The following CADPS variants were observed in gnomAD, a reference collection of about 807,000 sequenced individuals.
CADPS encodes calcium-dependent secretion activator 1.
Under a neutral mutation model 167.3 loss-of-function variants are expected in CADPS, and 57 were observed. The observed-to-expected ratio is 0.34, with a 90% CI of 0.28 to 0.42. The LOEUF is 0.42. Ranked by LOEUF, CADPS falls within the 20% of genes least tolerant of loss-of-function variation. The probability of loss-of-function intolerance (pLI) is 1.00; values close to 1 mark genes in which losing one functional copy is unlikely to be tolerated. For synonymous variants in CADPS, 676 were observed against 635.3 expected (o/e 1.06, Z -0.96); for missense variants, 1,414 against 1,738.1 (o/e 0.81, Z 3.32).
intron 7 of CADPS, among the ~76,000 whole-genome samples, chr3:62,589,065 G>C (rs1450798992): frequency 1.1e-5 from 1 of 93,456 alleles, no homozygotes; most frequent in Admixed American, 1.3e-4. Flanking sequence ...TTCACAATGT[G>C]CATGAATTTT....
chr3:62,809,100 C>G (rs2094264913), intron 1 of CADPS, among the ~76,000 whole-genome samples: 2 of 152,190 alleles, frequency 1.3e-5, no homozygotes, highest in South Asian at 4.1e-4. Flanking sequence ...TGTACATCTG[C>G]ACTGCTGCCA....
Position 62,537,888 on chromosome 3 carries a change from C to T in CADPS, c.1967-1307G>A, listed in dbSNP as rs114186307. Among the ~76,000 whole-genome samples, 1,079 of 152,042 alleles carry T rather than the reference C, an allele frequency of 7.1e-3. 17 individuals are homozygous for T. The highest frequency in any genetic ancestry group is 0.024 in the African/African-American group (1,014 of 41,438). ...CATGGTATGGTCAGATTTATACCTCCTTATTGTTTGACTTTTTTAAAAAAA... is the reference window on the plus strand; with the variant it reads ...CATGGTATGGTCAGATTTATACCTCTTTATTGTTTGACTTTTTTAAAAAAA... On this transcript the variant is annotated intron_variant, in intron 11 of 29. Transcript: ENST00000383710.
rs143124675 is a variant in CADPS, at chr3:62,433,079, A to G, written c.3777+5025T>C. Among the ~76,000 whole-genome samples the G allele has an allele frequency of 6.6e-6, 1 of 152,210 alleles. No individual in the cohort carries two copies. The highest frequency in any genetic ancestry group is 2.4e-5 in the African/African-American group (1 of 41,532). On this transcript the variant is annotated intron_variant, in intron 28 of 29. Transcript: ENST00000383710. This position sits in a 1 kb window ranked among gnomAD's most constrained non-coding sequence, Gnocchi z 4.7. ...TAGCGTCATGTCCTCCTTGTAGCCTATTATTTGGTACTTTCATCCTCCAGC... is the reference window on the plus strand; with the variant it reads ...TAGCGTCATGTCCTCCTTGTAGCCTGTTATTTGGTACTTTCATCCTCCAGC...
intron 3 of CADPS, among the ~76,000 whole-genome samples, chr3:62,729,105 A>G (rs527425467): frequency 3.9e-5 from 6 of 152,094 alleles, no homozygotes; most frequent in African/African-American, 1.5e-4. Flanking sequence ...ATCTGGATCT[A>G]CTTCAAGTGG....
chr3:62,677,577 C>T (rs1212154786), intron 3 of CADPS, among the ~76,000 whole-genome samples: 1 of 152,008 alleles, frequency 6.6e-6, no homozygotes. Flanking sequence ...ACAAGACAGC[C>T]CCTGCAACAA....
At chr3:62,504,266 C>T (rs1395578791) in intron 17 of CADPS, among the ~76,000 whole-genome samples, 1 of 152,164 alleles carries the variant, frequency 6.6e-6, no homozygotes, top group Admixed American at 6.5e-5. Flanking sequence ...AAGGAGGCAA[C>T]TACTAATCCT....
intron 3 of CADPS, among the ~76,000 whole-genome samples, chr3:62,709,065 A>G (rs2082877273): frequency 6.6e-6 from 1 of 152,078 alleles, no homozygotes; most frequent in Admixed American, 6.5e-5. Flanking sequence ...TTCTAACAAC[A>G]GCTTCTAGAT....
rs1055424933 is a variant in CADPS, at chr3:62,602,371, T to A, written c.1326-9623A>T. On this transcript the variant is annotated intron_variant, in intron 6 of 29. Transcript: ENST00000383710. This position sits in a 1 kb window ranked among gnomAD's most constrained non-coding sequence, Gnocchi z 4.4. Reference sequence around the variant, plus strand: ...GCATTTATTCAAGGTATACGGCTCATGTGAACTGGGTGTTAAATTGGTGCG... The same window carrying A: ...GCATTTATTCAAGGTATACGGCTCAAGTGAACTGGGTGTTAAATTGGTGCG... Among the ~76,000 whole-genome samples the A allele has an allele frequency of 6.6e-6, 1 of 152,136 alleles. No homozygotes were observed. The highest frequency in any genetic ancestry group is 6.5e-5 in the Admixed American group (1 of 15,278).
At chr3:62,759,435 G>C (rs1454255147) in intron 2 of CADPS, among the ~76,000 whole-genome samples, 1 of 152,122 alleles carries the variant, frequency 6.6e-6, no homozygotes, top group African/African-American at 2.4e-5. Flanking sequence ...ATGATATATG[G>C]TTATAATGGA....
chr3:62,529,695 C>A (rs1025224421), intron 13 of CADPS, among the ~76,000 whole-genome samples: 2 of 152,158 alleles, frequency 1.3e-5, no homozygotes, highest in African/African-American at 4.8e-5. Context: ...TGACAGCCTG[C>A]CACATTCTCT....
intron 11 of CADPS, among the ~76,000 whole-genome samples, chr3:62,537,074 A>C (rs777161139): frequency 1.8e-4 from 28 of 152,158 alleles, no homozygotes; most frequent in Non-Finnish European, 3.5e-4. Flanking sequence ...CTTCTTCCAA[A>C]TCCCCATTGC....
intron 1 of CADPS, among the ~76,000 whole-genome samples, chr3:62,784,758 AAAC>A (rs142025480): frequency 0.41 from 25,830 of 62,994 alleles, 2,147 homozygotes; most frequent in East Asian, 0.5. Context: ...ATGCAAGCAA[AAAC>A]AAAAAAAAAA....
At chr3:62,855,710 G>C (rs2079543404) in intron 1 of CADPS, among the ~76,000 whole-genome samples, 2 of 151,970 alleles carry the variant, frequency 1.3e-5, no homozygotes, top group Non-Finnish European at 2.9e-5. Context: ...GCCGATTTTG[G>C]GGGTATAGGA....
chr3:62,413,239 A>G (rs2049317400), intron 28 of CADPS, among the ~76,000 whole-genome samples: 1 of 152,196 alleles, frequency 6.6e-6, no homozygotes. Context: ...CTGAGTAAGT[A>G]CCATTATACT....
At chr3:62,419,487 T>C (rs1212839088) in intron 28 of CADPS, among the ~76,000 whole-genome samples, 1 of 152,228 alleles carries the variant, frequency 6.6e-6, no homozygotes, top group African/African-American at 2.4e-5. Context: ...CTCAATCTTT[T>C]AAAGCTTGAT....
Position 62,678,489 on chromosome 3 carries a change from C to T in CADPS, c.889-16095G>A, listed in dbSNP as rs139179053. Among the ~76,000 whole-genome samples, 4 of 152,046 alleles carry T rather than the reference C, an allele frequency of 2.6e-5. No homozygotes were observed. The East Asian group carries it at 7.8e-4, about 29-fold the overall frequency. On this transcript the variant is annotated intron_variant, in intron 3 of 29. Transcript: ENST00000383710. Reference sequence around the variant, plus strand: ...GCTTGATTCTAACATCTGTGTTTCTCAGGAATTTTTTTTTTCCACTGGAAT... The same window carrying T: ...GCTTGATTCTAACATCTGTGTTTCTTAGGAATTTTTTTTTTCCACTGGAAT...
chr3:62,457,696 C>G (rs935517881), intron 26 of CADPS, among the ~76,000 whole-genome samples: 1 of 152,026 alleles, frequency 6.6e-6, no homozygotes, highest in Non-Finnish European at 1.5e-5. Flanking sequence ...AAATGTCCAT[C>G]AATGATAGAG....
chr3:62,564,867 G>C (rs1166290940), intron 9 of CADPS, among the ~76,000 whole-genome samples: 1 of 152,004 alleles, frequency 6.6e-6, no homozygotes, highest in African/African-American at 2.4e-5. Context: ...AGCCTCCCAA[G>C]GGGCTGGGAT....
intron 1 of CADPS, among the ~76,000 whole-genome samples, chr3:62,870,622 T>C (rs555760842): frequency 9.2e-5 from 14 of 152,260 alleles, no homozygotes; most frequent in African/African-American, 2.9e-4. Flanking sequence ...TGCTGTGTAA[T>C]AGACAGTTTT....
Sources: allele counts gnomAD v4.1 joint callset (sites outside exome capture counted in the v4.1 genomes callset), GRCh38; gene constraint gnomAD v4.1.1; non-coding constraint Gnocchi (gnomAD v3.1); transcripts MANE v1.5; gene names NCBI Gene and HGNC (gene_info 2026-07-23, HGNC 2026-07-21).